KIF26B: variants seen among roughly 807,000 people sequenced by gnomAD.
KIF26B encodes the protein kinesin family member 26B, also known as kinesin-like protein KIF26B.
KIF26B carries 63 observed loss-of-function variants against 151.2 expected under a neutral mutation model. The observed-to-expected ratio is 0.42, with a 90% CI of 0.34 to 0.51. KIF26B has a LOEUF of 0.51. Ranked by LOEUF, KIF26B falls within the 20% of genes least tolerant of loss-of-function variation. KIF26B has a pLI of 0.07. For missense variants in KIF26B, 2,813 were observed against 2,913.6 expected (o/e 0.97, Z 0.79); for synonymous variants, 1,357 against 1,262.1 (o/e 1.08, Z -1.59).
intron 4 of KIF26B, among the ~76,000 whole-genome samples, chr1:245,453,458 T>C (rs1659442029): frequency 6.6e-6 from 1 of 152,210 alleles, no homozygotes; most frequent in South Asian, 2.1e-4. Flanking sequence ...GCCATCACCT[T>C]GAATTATGTG....
In KIF26B at chr1:245,614,025, C is replaced by T. The variant is rs145463774; in HGVS notation, c.2098+2049C>T. ...CTGGTTTTGCGTTTATCCAGGATAT[C>T]GTGGGAATGGACTCGTGTGGCCCAG... On this transcript the variant is annotated intron_variant, in intron 9 of 14. Transcript: ENST00000407071. Among the ~76,000 whole-genome samples the T allele has an allele frequency of 4.7e-3, 712 of 152,292 alleles. 6 individuals are homozygous for T. Among genetic ancestry groups the T allele is most frequent in the African/African-American group, 0.017 (691 of 41,552 alleles).
chr1:245,181,203 C>G (rs1400944949), intron 2 of KIF26B, among the ~76,000 whole-genome samples: 1 of 152,110 alleles, frequency 6.6e-6, no homozygotes, highest in Non-Finnish European at 1.5e-5. Context: ...CCGATTTCCC[C>G]CCCTTCTTTC....
At chr1:245,231,480 C>T (rs1325895603) in intron 2 of KIF26B, among the ~76,000 whole-genome samples, 1 of 152,054 alleles carries the variant, frequency 6.6e-6, no homozygotes, top group Non-Finnish European at 1.5e-5. Flanking sequence ...CGTGCCACTG[C>T]GCTCTAGCCT....
At chr1:245,646,828 T>G (rs1367708942) in intron 10 of KIF26B, among the ~76,000 whole-genome samples, 1 of 152,242 alleles carries the variant, frequency 6.6e-6, no homozygotes, top group Non-Finnish European at 1.5e-5. Context: ...AGTTAGCACC[T>G]GCCTTCCCAT....
At chr1:245,294,293 T>C (rs970155327) in intron 2 of KIF26B, among the ~76,000 whole-genome samples, 23 of 151,988 alleles carry the variant, frequency 1.5e-4, no homozygotes, top group Non-Finnish European at 3.4e-4. Flanking sequence ...CTCCCCTCCC[T>C]CTCTTATTCT....
chr1:245,593,851 A>C (rs2043314508), intron 5 of KIF26B, among the ~76,000 whole-genome samples: 1 of 152,148 alleles, frequency 6.6e-6, no homozygotes, highest in Non-Finnish European at 1.5e-5. Flanking sequence ...CTCACTTTTT[A>C]ATGATCGCCA....
intron 4 of KIF26B, among the ~76,000 whole-genome samples, chr1:245,437,667 C>G (rs984286922): frequency 6.6e-6 from 1 of 152,196 alleles, no homozygotes; most frequent in Admixed American, 6.5e-5. Context: ...TTTCTTTACA[C>G]ATGCAAGGGG....
Position 245,702,371 on chromosome 1 carries a change from G to C in KIF26B, c.6179-87G>C, listed in dbSNP as rs537731417. On this transcript the variant is annotated intron_variant, in intron 14 of 14. Transcript: ENST00000407071. This position sits in a 1 kb window ranked among gnomAD's most constrained non-coding sequence, Gnocchi z 4.1. ...GACCTTTAGACCAAGGGGTAGATGTGGGGGTGGCAGCTCCAGGCTGAGCCG... is the reference window on the plus strand; with the variant it reads ...GACCTTTAGACCAAGGGGTAGATGTCGGGGTGGCAGCTCCAGGCTGAGCCG... 193 of 1,453,590 alleles carry C rather than the reference G, an allele frequency of 1.3e-4. 1 individual carries two copies. In the South Asian group the frequency reaches 2.2e-3, roughly 17 times the overall value. The allele number at this position is 1,453,590 out of a possible 1,614,324, so 90.0% of individuals were successfully genotyped here. A position where few individuals can be genotyped will look rare whatever the true frequency, so the allele number is the denominator to read the frequency against.
At position 245,705,111 on chromosome 1, in the gene KIF26B, G is replaced by T. The variant is rs1462143112; in HGVS notation, c.*2505G>T. 3.3e-5 allele frequency: 5 copies of T among 152,126 alleles called. No individual in the cohort carries two copies. The highest frequency in any genetic ancestry group is 7.4e-5 in the Non-Finnish European group (5 of 68,022). 9.4% of individuals were successfully genotyped at this position (152,126 alleles called of 1,614,324 possible). ...TGCCTAAATCTGCTTTTATCCATTT[G>T]TAGCAACTTTATGCTGTAACAAAAG... On this transcript the variant is annotated 3_prime_UTR_variant, in exon 15 of 15. Coordinates refer to ENST00000407071, the MANE Select transcript of KIF26B (RefSeq NM_018012.4).
chr1:245,640,143 C>CTCTCTCTCTATATATATATATATATA, intron 9 of KIF26B, among the ~76,000 whole-genome samples: 2 of 31,934 alleles, frequency 6.3e-5, no homozygotes, highest in African/African-American at 2.8e-4. Context: ...CTCTCTCTCT[C>CTCTCTCTCTATATATATATATATATA]TATATATATA....
At chr1:245,396,461 T>C (rs1426379211) in intron 3 of KIF26B, among the ~76,000 whole-genome samples, 3 of 152,036 alleles carry the variant, frequency 2.0e-5, no homozygotes, top group Non-Finnish European at 2.9e-5. Flanking sequence ...TTATAAGAAA[T>C]GCTGTCTCTA....
At chr1:245,211,877 C>T (rs984230799) in intron 2 of KIF26B, among the ~76,000 whole-genome samples, 1 of 152,180 alleles carries the variant, frequency 6.6e-6, no homozygotes, top group Non-Finnish European at 1.5e-5. Flanking sequence ...TTGCTGGCAC[C>T]GCACCGTATC....
At chr1:245,294,495 C>T (rs184568371) in intron 2 of KIF26B, among the ~76,000 whole-genome samples, 6 of 152,256 alleles carry the variant, frequency 3.9e-5, no homozygotes, top group African/African-American at 1.4e-4. Context: ...TCAAAGTTAA[C>T]AAGACTACCC....
chr1:245,584,091 G>A, intron 5 of KIF26B, among the ~76,000 whole-genome samples: 1 of 152,180 alleles, frequency 6.6e-6, no homozygotes, highest in Non-Finnish European at 1.5e-5. Flanking sequence ...GGAGGTGACT[G>A]CATCATGGAT....
At chr1:245,423,467 T>G (rs1018284610) in intron 4 of KIF26B, among the ~76,000 whole-genome samples, 4 of 146,902 alleles carry the variant, frequency 2.7e-5, no homozygotes, top group African/African-American at 1.1e-4. Context: ...AGGAAGACAC[T>G]TTATTATAGG....
chr1:245,435,052 TCTCCATCC>T (rs1658875562), intron 4 of KIF26B, among the ~76,000 whole-genome samples: 2 of 56,724 alleles, frequency 3.5e-5, no homozygotes, highest in African/African-American at 7.6e-5. Flanking sequence ...TCCATCCATC[TCTCCATCC>T]ATCCATCCAT....
rs934401633 is a variant in KIF26B, at chr1:245,597,808, C to T, written c.1351-4769C>T. On this transcript the variant is annotated intron_variant, in intron 5 of 14. Transcript: ENST00000407071. The surrounding 1 kb of genome is among the most constrained non-coding windows in gnomAD (Gnocchi z 4.6). Reference sequence around the variant, plus strand: ...GGTCTTTTCACATAGTTCCATATTTCTTGGAGGCTTTGTTCATTCCTTTTC... The same window carrying T: ...GGTCTTTTCACATAGTTCCATATTTTTTGGAGGCTTTGTTCATTCCTTTTC... Among the ~76,000 whole-genome samples the T allele has an allele frequency of 2.3e-4, 35 of 152,264 alleles. No homozygotes were observed. Among genetic ancestry groups the T allele is most frequent in the Non-Finnish European group, 4.0e-4 (27 of 68,026 alleles).
At chr1:245,321,165 T>C (rs1384949906) in intron 2 of KIF26B, among the ~76,000 whole-genome samples, 3 of 147,836 alleles carry the variant, frequency 2.0e-5, no homozygotes, top group Admixed American at 6.8e-5. Flanking sequence ...CTTCCCACCA[T>C]CCACCCTCAT....
chr1:245,387,706 C>A (rs1199835980), intron 3 of KIF26B, among the ~76,000 whole-genome samples: 6 of 152,082 alleles, frequency 3.9e-5, no homozygotes, highest in Admixed American at 3.9e-4. Flanking sequence ...AAACCCGCAA[C>A]AAACTAAAAA....
Sources: allele counts gnomAD v4.1 joint callset (sites outside exome capture counted in the v4.1 genomes callset), GRCh38; gene constraint gnomAD v4.1.1; non-coding constraint Gnocchi (gnomAD v3.1); transcripts MANE v1.5; gene names NCBI Gene and HGNC (gene_info 2026-07-23, HGNC 2026-07-21).